NXPE2: variants seen among roughly 807,000 people sequenced by gnomAD.
NXPE2 encodes the protein NXPE family member 2.
Under a neutral mutation model 34.4 loss-of-function variants are expected in NXPE2, and 34 were observed. That is an observed-to-expected ratio of 0.99 (90% CI 0.75 to 1.31). NXPE2 has a LOEUF of 1.31. Ranked by LOEUF, NXPE2 falls within the 40% of genes most tolerant of loss-of-function variation. The pLI, the probability that NXPE2 is intolerant of heterozygous loss-of-function variation, is 0.00. For synonymous variants in NXPE2, 235 were observed against 231.3 expected (o/e 1.02, Z -0.15); for missense variants, 649 against 672.5 (o/e 0.97, Z 0.39).
the NXPE2 span, among the ~76,000 whole-genome samples, chr11:114,560,273 CTTTTTTTTT>C: frequency 7.4e-5 from 10 of 135,178 alleles, no homozygotes; most frequent in Non-Finnish European, 1.3e-4. Flanking sequence ...CTTTTTTTTT[CTTTTTTTTT>C]TTTTTTTGGA....
At chr11:114,716,836 C>T in the NXPE2 span, among the ~76,000 whole-genome samples, 12 of 152,058 alleles carry the variant, frequency 7.9e-5, no homozygotes, top group African/African-American at 2.2e-4. Context: ...AGCAGTTTAT[C>T]GATTTTTTTT....
the NXPE2 span, among the ~76,000 whole-genome samples, chr11:114,579,357 G>A: frequency 6.6e-6 from 1 of 152,204 alleles, no homozygotes; most frequent in Non-Finnish European, 1.5e-5. Flanking sequence ...GTTTCAACAT[G>A]AGATTTGGAG....
chr11:114,797,457 G>C, the NXPE2 span, among the ~76,000 whole-genome samples: 3 of 152,086 alleles, frequency 2.0e-5, 1 homozygote, highest in African/African-American at 7.2e-5. Context: ...CTTAAATAAG[G>C]GTTAGTAAGG....
the NXPE2 span, among the ~76,000 whole-genome samples, chr11:114,468,407 CT>C: frequency 6.6e-6 from 1 of 152,144 alleles, no homozygotes; most frequent in Non-Finnish European, 1.5e-5. Context: ...TACCACTGGG[CT>C]TTTGCATGGT....
At chr11:114,487,364 A>G in the NXPE2 span, among the ~76,000 whole-genome samples, 3 of 152,050 alleles carry the variant, frequency 2.0e-5, no homozygotes, top group African/African-American at 4.8e-5. Flanking sequence ...AGTTTACTGA[A>G]TTTTCGTATC....
At chr11:114,685,794 AC>A (rs1167012681) in intron 2 of NXPE2, among the ~76,000 whole-genome samples, 8 of 152,070 alleles carry the variant, frequency 5.3e-5, no homozygotes, top group African/African-American at 1.9e-4. Context: ...CTAGCACAAA[AC>A]TTTTTGTTTT....
the NXPE2 span, among the ~76,000 whole-genome samples, chr11:114,732,123 C>G: frequency 1.3e-5 from 2 of 152,118 alleles, no homozygotes; most frequent in African/African-American, 4.8e-5. Flanking sequence ...AATTTACATA[C>G]AATAAAATTT....
chr11:114,626,343 T>G, the NXPE2 span, among the ~76,000 whole-genome samples: 1 of 152,196 alleles, frequency 6.6e-6, no homozygotes, highest in African/African-American at 2.4e-5. Context: ...ATGGGCAGAC[T>G]GCCTCCTCAA....
At chr11:114,703,902 A>T in intron 3 of NXPE2, 89 bp from the exon 4 acceptor site, 1 of 909,144 alleles carries the variant, frequency 1.1e-6, no homozygotes, top group Non-Finnish European at 1.7e-6. Context: ...AGGCATTTGG[A>T]GAAGAGAGGT....
At chr11:114,711,397 A>G (rs1346414321), downstream of NXPE2, among the ~76,000 whole-genome samples, 2 of 152,168 alleles carry the variant, frequency 1.3e-5, no homozygotes, top group Non-Finnish European at 2.9e-5. Context: ...CACAGAAACT[A>G]TTAGAACTAG....
chr11:114,691,117 A>G (rs1190163087), intron 2 of NXPE2, among the ~76,000 whole-genome samples: 1 of 152,066 alleles, frequency 6.6e-6, no homozygotes, highest in African/African-American at 2.4e-5. Flanking sequence ...TTGTGAGTGA[A>G]TGGTATCCTT....
At chr11:114,628,900 G>A in the NXPE2 span, among the ~76,000 whole-genome samples, 2 of 151,942 alleles carry the variant, frequency 1.3e-5, no homozygotes, top group African/African-American at 4.8e-5. Flanking sequence ...ACACCTCTAT[G>A]CAAATAAACT....
the NXPE2 span, among the ~76,000 whole-genome samples, chr11:114,565,090 C>A: frequency 3.3e-5 from 5 of 152,164 alleles, no homozygotes; most frequent in Non-Finnish European, 7.3e-5. Context: ...TAACAGATGT[C>A]AGGATTCTCC....
the NXPE2 span, among the ~76,000 whole-genome samples, chr11:114,623,020 C>T: frequency 2.5e-4 from 38 of 150,626 alleles, no homozygotes; most frequent in African/African-American, 4.2e-4. Flanking sequence ...TGTTGCCTTG[C>T]GGGAAACCCC....
At chr11:114,662,334 T>G in the NXPE2 span, among the ~76,000 whole-genome samples, 1 of 152,112 alleles carries the variant, frequency 6.6e-6, no homozygotes, top group African/African-American at 2.4e-5. Context: ...CACCCACAGA[T>G]AGAGCATTTA....
At chr11:114,582,679 G>A in the NXPE2 span, 1 of 1,614,178 alleles carries the variant, frequency 6.2e-7, no homozygotes. Context: ...CCTGCCATCA[G>A]CGCTGGGGAA....
the NXPE2 span, among the ~76,000 whole-genome samples, chr11:114,497,510 G>A: frequency 1.4e-5 from 2 of 147,858 alleles, no homozygotes; most frequent in Non-Finnish European, 3.0e-5. Context: ...GTTTAGATAT[G>A]TTTAAATACA....
At chr11:114,769,052 T>A in the NXPE2 span, among the ~76,000 whole-genome samples, 1 of 152,006 alleles carries the variant, frequency 6.6e-6, no homozygotes, top group Non-Finnish European at 1.5e-5. Flanking sequence ...ATTTTTGCAA[T>A]CTATCCATCT....
At chr11:114,576,405 T>C in the NXPE2 span, among the ~76,000 whole-genome samples, 1 of 151,926 alleles carries the variant, frequency 6.6e-6, no homozygotes, top group Non-Finnish European at 1.5e-5. Context: ...TCAGCAGAGT[T>C]AACAGACAAC....
Sources: gnomAD v4.1 joint callset for allele counts (sites outside exome capture counted in the v4.1 genomes callset) on GRCh38, gnomAD v4.1.1 for gene constraint, MANE v1.5 for transcripts, NCBI Gene and HGNC (gene_info 2026-07-23, HGNC 2026-07-21) for gene names.